Variants in MAD1L1 observed in about 807,000 individuals in gnomAD.
MAD1L1 encodes the protein mitotic spindle assembly checkpoint protein MAD1.
A neutral mutation model predicts 96.9 loss-of-function variants in MAD1L1; 95 were observed. The observed-to-expected ratio is 0.98, with a 90% CI of 0.83 to 1.16. The LOEUF is 1.16. Among genes scored for constraint, MAD1L1 ranks in the 50% most tolerant of loss-of-function variants. MAD1L1 has a pLI of 0.00. For missense variants in MAD1L1, 1,007 were observed against 954.4 expected (o/e 1.06, Z -0.73); for synonymous variants, 473 against 396.6 (o/e 1.19, Z -2.29).
At chr7:1,825,906 G>A (rs1312362029) in intron 18 of MAD1L1, among the ~76,000 whole-genome samples, 1 of 151,914 alleles carries the variant, frequency 6.6e-6, no homozygotes, top group Non-Finnish European at 1.5e-5. Context: ...CCCCAGGGTT[G>A]GCGGTCGGCA....
intron 12 of MAD1L1, among the ~76,000 whole-genome samples, chr7:2,042,292 C>A (rs1174290576): frequency 1.3e-5 from 2 of 151,886 alleles, no homozygotes; most frequent in Non-Finnish European, 2.9e-5. Context: ...CACATGGACA[C>A]AGACACACGC....
rs961338269 is a variant in MAD1L1, at chr7:2,146,613, G to C, written c.1073+2539C>G. ...GCTGCTCTCATGACCCGTGACCTCA[G>C]CTGGACCAGGGCTCTGTTCTTCAGT... On this transcript the variant is annotated intron_variant, in intron 11 of 18. Transcript: ENST00000265854. The surrounding 1 kb of genome is among the most constrained non-coding windows in gnomAD (Gnocchi z 6.2). Among the ~76,000 whole-genome samples the C allele has an allele frequency of 6.6e-6, 1 of 152,234 alleles. No individual in the cohort carries two copies. Among genetic ancestry groups the C allele is most frequent in the Non-Finnish European group, 1.5e-5 (1 of 68,036 alleles).
intron 15 of MAD1L1, among the ~76,000 whole-genome samples, chr7:1,963,199 G>T (rs898094583): frequency 4.6e-5 from 7 of 152,152 alleles, no homozygotes; most frequent in African/African-American, 1.7e-4. Flanking sequence ...AATGTCCATC[G>T]CAAGGGAACG....
chr7:2,159,698 T>C (rs940835428), intron 10 of MAD1L1, among the ~76,000 whole-genome samples: 1 of 152,230 alleles, frequency 6.6e-6, no homozygotes, highest in East Asian at 1.9e-4. Flanking sequence ...ACGCAAGTCA[T>C]TCTACTGAAC....
intron 18 of MAD1L1, among the ~76,000 whole-genome samples, chr7:1,852,414 TC>T (rs1784025568): frequency 6.6e-6 from 1 of 151,834 alleles, no homozygotes; most frequent in Non-Finnish European, 1.5e-5. Flanking sequence ...CCTCCAAGGG[TC>T]CCCCTCAATG....
At position 2,228,966 on chromosome 7, in the gene MAD1L1, C is replaced by T. The variant is rs187765971; in HGVS notation, c.150+1018G>A. Reference sequence around the variant, plus strand: ...GCCAGGATGATCTTGATCTCCTGACCTCATGATCCGCCCACCTCAGCCTCC... The same window carrying T: ...GCCAGGATGATCTTGATCTCCTGACTTCATGATCCGCCCACCTCAGCCTCC... On this transcript the variant is annotated intron_variant, in intron 3 of 18. Coordinates refer to ENST00000265854, the MANE Select transcript of MAD1L1 (RefSeq NM_001013836.2). Among the ~76,000 whole-genome samples the T allele has an allele frequency of 1.9e-3, 293 of 152,262 alleles. 7 individuals carry two copies. The highest frequency in any genetic ancestry group is 0.018 in the Admixed American group (274 of 15,302).
intron 11 of MAD1L1, among the ~76,000 whole-genome samples, chr7:2,078,028 C>T (rs993952650): frequency 1.3e-5 from 2 of 152,338 alleles, no homozygotes; most frequent in Middle Eastern, 6.8e-3. Context: ...CAGGCATCCA[C>T]ATTCGCTCCT....
intron 18 of MAD1L1, among the ~76,000 whole-genome samples, chr7:1,844,824 G>A (rs1050651144): frequency 2.0e-5 from 3 of 151,836 alleles, no homozygotes; most frequent in Non-Finnish European, 4.4e-5. Context: ...TGGCCGTACC[G>A]TGCAAGCCAC....
At position 2,102,292 on chromosome 7, in the gene MAD1L1, C is replaced by CCA. The variant is rs1327618338; in HGVS notation, c.1074-32955_1074-32954insTG. On this transcript the variant is annotated intron_variant, in intron 11 of 18. Coordinates refer to ENST00000265854, the MANE Select transcript of MAD1L1 (RefSeq NM_001013836.2). ...ATCACTATCACCACCACCACCGCCACTGTCACCATCACCACCGTCACCATC... is the reference window on the plus strand; with the variant it reads ...ATCACTATCACCACCACCACCGCCACCATGTCACCATCACCACCGTCACCATC... Among the ~76,000 whole-genome samples, 3 of 77,760 alleles carry CCA rather than the reference C, an allele frequency of 3.9e-5. 1 individual carries two copies. Among genetic ancestry groups the CCA allele is most frequent in the African/African-American group, 8.5e-5 (3 of 35,102 alleles). The allele number at this position is 77,760 out of a possible 152,430, so 51.0% of individuals were successfully genotyped here. A position where few individuals can be genotyped will look rare whatever the true frequency, so the allele number is the denominator to read the frequency against.
chr7:2,156,522 A>C (rs905509697), intron 10 of MAD1L1, among the ~76,000 whole-genome samples: 1 of 152,144 alleles, frequency 6.6e-6, no homozygotes, highest in Non-Finnish European at 1.5e-5. Context: ...TCATCTGCAT[A>C]AATAGAGAGG....
At chr7:1,952,886 G>A (rs900419772) in intron 16 of MAD1L1, among the ~76,000 whole-genome samples, 10 of 152,204 alleles carry the variant, frequency 6.6e-5, no homozygotes, top group Admixed American at 2.0e-4. Flanking sequence ...AGAGTCCAGC[G>A]AGCGGGAGAG....
chr7:1,942,804 G>A (rs1295450583), intron 16 of MAD1L1, among the ~76,000 whole-genome samples: 1 of 152,172 alleles, frequency 6.6e-6, no homozygotes, highest in Non-Finnish European at 1.5e-5. Flanking sequence ...ACACGGAACT[G>A]CAGGGGCTCA....
rs868356993 is a variant in MAD1L1, at chr7:1,929,728, C to T, written c.1807+6959G>A. On this transcript the variant is annotated intron_variant, in intron 17 of 18. Coordinates refer to ENST00000265854, the MANE Select transcript of MAD1L1 (RefSeq NM_001013836.2). ...CTGCCACGTCCCCTCGCCCATCCCC[C>T]ACTGCCACGTCCCCTCGCCCCGTCC... Among the ~76,000 whole-genome samples the T allele has an allele frequency of 3.1e-3, 443 of 142,632 alleles. 7 individuals are homozygous for T. Among genetic ancestry groups the T allele is most frequent in the Admixed American group, 9.5e-3 (121 of 12,720 alleles). 93.6% of individuals were successfully genotyped at this position (142,632 alleles called of 152,430 possible).
chr7:2,215,003 G>T (rs1313531374), intron 9 of MAD1L1, among the ~76,000 whole-genome samples: 1 of 152,164 alleles, frequency 6.6e-6, no homozygotes, highest in South Asian at 2.1e-4. Flanking sequence ...AGGCAAAGGC[G>T]GGAGGGTCAC....
intron 10 of MAD1L1, among the ~76,000 whole-genome samples, chr7:2,201,688 G>A (rs894649694): frequency 2.8e-4 from 42 of 152,294 alleles, no homozygotes; most frequent in African/African-American, 9.1e-4. Context: ...GTTTCCACCC[G>A]GACACGCCGC....
At position 2,165,271 on chromosome 7, in the gene MAD1L1, G is replaced by T. The variant is rs142095105; in HGVS notation, c.987-16033C>A. Among the ~76,000 whole-genome samples the T allele has an allele frequency of 1.7e-3, 252 of 152,288 alleles. 2 individuals are homozygous for T. The highest frequency in any genetic ancestry group is 5.5e-3 in the African/African-American group (229 of 41,562). On this transcript the variant is annotated intron_variant, in intron 10 of 18. Transcript: ENST00000265854. ...TATAGGAAGTTCTACAACAAACAAG[G>T]CTAAGCTACAGCTGCCGGGGATGAA...
chr7:2,180,814 T>C (rs938888398), intron 10 of MAD1L1, among the ~76,000 whole-genome samples: 1 of 152,230 alleles, frequency 6.6e-6, no homozygotes, highest in Non-Finnish European at 1.5e-5. Context: ...TTCAGTTTTT[T>C]AATGTATAAA....
intron 12 of MAD1L1, among the ~76,000 whole-genome samples, chr7:2,018,269 GAGAGGGC>G (rs1782631878): frequency 1.3e-5 from 2 of 152,204 alleles, no homozygotes; most frequent in African/African-American, 4.8e-5. Flanking sequence ...AACCACACAG[GAGAGGGC>G]AGAGAACGCC....
intron 3 of MAD1L1, among the ~76,000 whole-genome samples, chr7:2,228,633 T>C (rs1794033002): frequency 7.6e-6 from 1 of 130,728 alleles, no homozygotes; most frequent in South Asian, 2.4e-4. Flanking sequence ...AAAGAACATT[T>C]ACATAAATAT....
Sources: gnomAD v4.1 joint callset for allele counts (sites outside exome capture counted in the v4.1 genomes callset) on GRCh38, gnomAD v4.1.1 for gene constraint, Gnocchi (gnomAD v3.1) non-coding constraint, MANE v1.5 for transcripts, NCBI Gene and HGNC (gene_info 2026-07-23, HGNC 2026-07-21) for gene names.